Variants in SPINDOC observed in about 807,000 individuals in gnomAD.
SPINDOC encodes spindlin interactor and repressor of chromatin binding, also known as spindlin interactor and repressor of chromatin-binding protein.
Under a neutral mutation model 30.7 loss-of-function variants are expected in SPINDOC, and 13 were observed. The observed-to-expected ratio is 0.42, with a 90% confidence interval of 0.28 to 0.67. The LOEUF is 0.67. Ranked by LOEUF, SPINDOC falls within the 30% of genes least tolerant of loss-of-function variation. The pLI, the probability that SPINDOC is intolerant of heterozygous loss-of-function variation, is 0.22. For missense variants in SPINDOC, 438 were observed against 518.0 expected (o/e 0.85, Z 1.50); for synonymous variants, 228 against 211.4 (o/e 1.08, Z -0.68).
Position 63,826,937 on chromosome 11 carries a change from C to T in SPINDOC, c.944C>T (p.Pro315Leu), listed in dbSNP as rs567522755. 1.3e-5 allele frequency: 20 copies of T among 1,540,908 alleles called. No individual in the cohort carries two copies. The highest frequency in any genetic ancestry group is 1.0e-4 in the Admixed American group (6 of 59,432). Reference protein sequence around the residue: ...RAESPSPAPPPGLRGTLDLQV... With the variant: ...RAESPSPAPPLGLRGTLDLQV... ...TCTCATCCCTGCCCAGCTCCCCCTCCGGGGCTCCGCGGGACACTGGATCTC... is the reference window on the plus strand; with the variant it reads ...TCTCATCCCTGCCCAGCTCCCCCTCTGGGGCTCCGCGGGACACTGGATCTC... Residue 315 changes from proline (P) to leucine (L), a missense_variant, in exon 6 of 6, where the codon CCG (proline) becomes CTG (leucine). By Grantham distance (98) the Pro-to-Leu change is moderately conservative (BLOSUM62 -3). Coordinates refer to ENST00000294244, the MANE Select transcript of SPINDOC (RefSeq NM_138471.3).
chr11:63,826,304 G>A (rs1366714920), intron 5 of SPINDOC, among the ~76,000 whole-genome samples: 2 of 152,136 alleles, frequency 1.3e-5, no homozygotes, highest in Admixed American at 6.6e-5. Flanking sequence ...CGCAGCCACG[G>A]CAGTCCTCAG....
At position 63,818,830 on chromosome 11, in the gene SPINDOC, G is replaced by A. The variant is rs762633038; in HGVS notation, c.762G>A (p.Glu254=). 6.2e-7 allele frequency: 1 copy of A among 1,613,958 alleles called. No homozygotes were observed. The highest frequency in any genetic ancestry group is 2.2e-5 in the East Asian group (1 of 44,884). The change falls in exon 5 of 6, where the codon GAG becomes GAA. Residue 254 remains glutamate (E), a synonymous_variant. Coordinates refer to ENST00000294244, the MANE Select transcript of SPINDOC (RefSeq NM_138471.3). The surrounding 1 kb of genome is among the most constrained non-coding windows in gnomAD (Gnocchi z 5.3). ...PEPPSPDSPT[E]TFAAPAEVRH... is the part of the protein sequence containing the mutation. ...CCCCATCGCCAGACTCGCCCACGGA[G>A]ACTTTCGCAGCACCAGCCGAGGTCC...
At chr11:63,826,887 C>G (rs1370358092) in intron 5 of SPINDOC, 41 bp from the exon 6 acceptor site, 1 of 1,014,472 alleles carries the variant, frequency 9.9e-7, no homozygotes, top group Non-Finnish European at 1.5e-6. Context: ...GGTGGGGTGT[C>G]TGGGGGGCTC....
At chr11:63,821,555 T>C (rs192864032) in intron 5 of SPINDOC, among the ~76,000 whole-genome samples, 279 of 152,266 alleles carry the variant, frequency 1.8e-3, no homozygotes, top group Non-Finnish European at 3.3e-3. Flanking sequence ...AGACCAAGCC[T>C]AGTCCTCTGT....
At chr11:63,825,390 C>A (rs1333882917) in intron 5 of SPINDOC, among the ~76,000 whole-genome samples, 1 of 152,172 alleles carries the variant, frequency 6.6e-6, no homozygotes, top group Admixed American at 6.5e-5. Context: ...CTCCTCACTC[C>A]CTCTGTGTCT....
rs550560243 is a variant in SPINDOC at position 63,823,626 on chromosome 11, C to T, written c.935-3302C>T. On this transcript the variant is annotated intron_variant, in intron 5 of 5. Transcript: ENST00000294244. ...TTTTTTTATTTTGGAGATGGAGTCTCGCTCTGTCGCCCAGGCTGGAGTGCA... is the reference window on the plus strand; with the variant it reads ...TTTTTTTATTTTGGAGATGGAGTCTTGCTCTGTCGCCCAGGCTGGAGTGCA... Among the ~76,000 whole-genome samples the T allele has an allele frequency of 2.6e-5, 4 of 152,036 alleles. No individual in the cohort carries two copies. The South Asian group carries it at 6.2e-4, about 24-fold the overall frequency.
At chr11:63,824,385 C>T (rs1392551130) in intron 5 of SPINDOC, among the ~76,000 whole-genome samples, 2 of 152,154 alleles carry the variant, frequency 1.3e-5, no homozygotes, top group African/African-American at 2.4e-5. Context: ...AGTTGGAACA[C>T]GTCGTATCAT....
In SPINDOC at chr11:63,818,643, C is replaced by A. The variant is rs781641981; in HGVS notation, c.724C>A (p.Pro242Thr). 6.2e-7 allele frequency: 1 copy of A among 1,613,736 alleles called. No homozygotes were observed. Among genetic ancestry groups the A allele is most frequent in the South Asian group, 1.1e-5 (1 of 91,078 alleles). ...CAGACCTATGACCAAAAACCTGGAC[C>A]CTGACCCAGGTGAAGGGGAGGCCCG... is the stretch of plus-strand genomic sequence containing the variant. Reference protein sequence around the residue: ...RGRPMTKNLDPDPEPPSPDSP... With the variant: ...RGRPMTKNLDTDPEPPSPDSP... The change falls in exon 4 of 6, where the codon CCT (proline) becomes ACT (threonine). Residue 242 changes from proline (P) to threonine (T), a missense_variant. By Grantham distance (38) the Pro-to-Thr change is conservative. Coordinates refer to ENST00000294244, the MANE Select transcript of SPINDOC (RefSeq NM_138471.3). This position sits in a 1 kb window ranked among gnomAD's most constrained non-coding sequence, Gnocchi z 5.3.
chr11:63,826,934 C>G lies in SPINDOC; in HGVS notation c.941C>G (p.Pro314Arg). 6.5e-7 allele frequency: 1 copy of G among 1,530,928 alleles called. No individual in the cohort carries two copies. Among genetic ancestry groups the G allele is most frequent in the East Asian group, 2.3e-5 (1 of 44,340 alleles). 94.8% of individuals were successfully genotyped at this position (1,530,928 alleles called of 1,614,324 possible). The change falls in exon 6 of 6, where the codon CCT becomes CGT. Residue 314 changes from proline to arginine, a missense_variant. Transcript: ENST00000294244. ...PRAESPSPAP[P>R]PGLRGTLDLQ... The stretch of plus-strand genomic sequence containing the variant: ...TGCTCTCATCCCTGCCCAGCTCCCC[C>G]TCCGGGGCTCCGCGGGACACTGGAT...
rs1163826639 is a variant in SPINDOC at position 63,818,319 on chromosome 11, C to T, written c.561C>T (p.Leu187=). The change falls in exon 3 of 6, where the codon CTC becomes CTT. Residue 187 remains leucine (L), a synonymous_variant. Transcript: ENST00000294244. The surrounding 1 kb of genome is among the most constrained non-coding windows in gnomAD (Gnocchi z 5.3). ...TTGACTCTGAGGATAACCCATCCCT[C>T]CCTAAAAGGAGCCGGCCCAGGGGAC... ...VLLDSEDNPS[L]PKRSRPRGLR... is the part of the protein sequence containing the mutation. 6.2e-7 allele frequency: 1 copy of T among 1,614,024 alleles called. No homozygotes were observed.
Position 63,827,036 on chromosome 11 carries a change from G to A in SPINDOC, c.1043G>A (p.Gly348Asp), listed in dbSNP as rs1199239767. 3 of 1,614,084 alleles carry A rather than the reference G, an allele frequency of 1.9e-6. No homozygotes were observed. The highest frequency in any genetic ancestry group is 2.5e-6 in the Non-Finnish European group (3 of 1,180,032). Residue 348 changes from glycine (G) to aspartate (D), a missense_variant, in exon 6 of 6, where the codon GGC (glycine) becomes GAC (aspartate). Gly to Asp is a moderately conservative substitution (Grantham distance 94, BLOSUM62 -1). This residue lies in a region of SPINDOC where 300 missense variants were observed against 332.8 expected (regional missense o/e 0.90). Coordinates refer to ENST00000294244, the MANE Select transcript of SPINDOC (RefSeq NM_138471.3). Reference protein sequence around the residue: ...LLQDWSRHPQGTKRVGAGDTS... With the variant: ...LLQDWSRHPQDTKRVGAGDTS... ...CAAGACTGGTCCAGGCACCCCCAGG[G>A]CACCAAGCGTGTGGGAGCAGGTGAC...
At position 63,818,127 on chromosome 11, in the gene SPINDOC, C is replaced by T. The variant is rs746825757; in HGVS notation, c.450C>T (p.Pro150=). 3 of 1,613,756 alleles carry T rather than the reference C, an allele frequency of 1.9e-6. No homozygotes were observed. The highest frequency in any genetic ancestry group is 2.2e-5 in the East Asian group (1 of 44,878). ...TGAGAGCTGAGCAGCCGTCCCCACC[C>T]AACTCAGGTAGTTGGTCCTGGGGCT... The part of the protein sequence containing the change: ...QDVRAEQPSP[P]NSDSGQDAHP... The change falls in exon 2 of 6, where the codon CCC becomes CCT. Residue 150 remains proline, a synonymous_variant. Transcript: ENST00000294244. The surrounding 1 kb of genome is among the most constrained non-coding windows in gnomAD (Gnocchi z 5.3).
Position 63,827,211 on chromosome 11 carries a change from T to C in SPINDOC, c.*72T>C, listed in dbSNP as rs1401639024. 5 of 1,566,972 alleles carry C rather than the reference T, an allele frequency of 3.2e-6. No homozygotes were observed. In the African/African-American group the frequency reaches 6.8e-5, roughly 21 times the overall value. On this transcript the variant is annotated 3_prime_UTR_variant, in exon 6 of 6. Transcript: ENST00000294244. The stretch of plus-strand genomic sequence containing the variant: ...CAGTGGCTTATAACTCAGAGCTGCC[T>C]GGCTCACCCACCTGGTGGAGAGAGT...
rs574643468 is a variant in SPINDOC at position 63,814,320 on chromosome 11, C to T, written c.127+507C>T. Among the ~76,000 whole-genome samples the T allele has an allele frequency of 1.5e-4, 23 of 152,362 alleles. No individual in the cohort carries two copies. The South Asian group carries it at 3.5e-3, about 23-fold the overall frequency. ...CCGAGCATAACGCTTCCCTGCCCAC[C>T]ACCCCGCTTCATTCCCATTCCCGGG... On this transcript the variant is annotated intron_variant, in intron 1 of 5. Coordinates refer to ENST00000294244, the MANE Select transcript of SPINDOC (RefSeq NM_138471.3).
rs1565075351 is a variant in SPINDOC at position 63,817,975 on chromosome 11, G to A, written c.298G>A (p.Ala100Thr). The stretch of plus-strand genomic sequence containing the variant: ...CATGGTGTGTGGCGCTGAGATCCGG[G>A]CACCCTCGGCCGACACAGCTCGCTC... ...LCMVCGAEIR[A>T]PSADTARSHI... Residue 100 changes from alanine to threonine, a missense_variant, in exon 2 of 6, where the codon GCA becomes ACA. Coordinates refer to ENST00000294244, the MANE Select transcript of SPINDOC (RefSeq NM_138471.3). The A allele has an allele frequency of 3.7e-6, 6 of 1,614,110 alleles. No homozygotes were observed. The highest frequency in any genetic ancestry group is 5.1e-6 in the Non-Finnish European group (6 of 1,180,012).
intron 5 of SPINDOC, among the ~76,000 whole-genome samples, chr11:63,824,583 T>C (rs2015606538): frequency 6.7e-6 from 1 of 148,478 alleles, no homozygotes; most frequent in African/African-American, 2.4e-5. Flanking sequence ...CCCTGGGAGA[T>C]CTCATCCAGG....
At chr11:63,815,941 A>T (rs191010871) in intron 1 of SPINDOC, among the ~76,000 whole-genome samples, 82 of 152,190 alleles carry the variant, frequency 5.4e-4, no homozygotes, top group African/African-American at 1.9e-3. Flanking sequence ...CTAATTTTGT[A>T]TTTTTAATAG....
Position 63,813,530 on chromosome 11 carries a change from C to T in SPINDOC, c.-157C>T. On this transcript the variant is annotated 5_prime_UTR_variant, in exon 1 of 6. Coordinates refer to ENST00000294244, the MANE Select transcript of SPINDOC (RefSeq NM_138471.3). Reference sequence around the variant, plus strand: ...GGCCCGGACGCGCCGGTCGCAGGCCCGGCCGGCGAGCGGCGGGCGGGCGGC... The same window carrying T: ...GGCCCGGACGCGCCGGTCGCAGGCCTGGCCGGCGAGCGGCGGGCGGGCGGC... 1 of 549,804 alleles carries T rather than the reference C, an allele frequency of 1.8e-6. No homozygotes were observed. The highest frequency in any genetic ancestry group is 2.3e-6 in the Non-Finnish European group (1 of 434,582). The allele number at this position is 549,804 out of a possible 1,614,324, so 34.1% of individuals were successfully genotyped here. A position where few individuals can be genotyped will look rare whatever the true frequency, so the allele number is the denominator to read the frequency against.
intron 1 of SPINDOC, among the ~76,000 whole-genome samples, chr11:63,817,302 C>T (rs1282585485): frequency 4.6e-5 from 7 of 152,114 alleles, no homozygotes; most frequent in Admixed American, 1.3e-4. Context: ...GCTGAGATTA[C>T]GCCATTGCAT....
Sources: allele counts gnomAD v4.1 joint callset (sites outside exome capture counted in the v4.1 genomes callset), GRCh38; gene constraint gnomAD v4.1.1; regional missense constraint gnomAD v4.1.1; non-coding constraint Gnocchi (gnomAD v3.1); transcripts MANE v1.5; gene names NCBI Gene and HGNC (gene_info 2026-07-23, HGNC 2026-07-21).